Variants in SLC24A3 observed in about 807,000 individuals in gnomAD.
The protein encoded by SLC24A3 is sodium/potassium/calcium exchanger 3.
SLC24A3 carries 28 observed loss-of-function variants against 75.8 expected under a neutral mutation model. The ratio of observed to expected loss-of-function variants is 0.37; its 90% CI spans 0.27 to 0.51. The LOEUF is 0.51. Among genes scored for constraint, SLC24A3 ranks in the 20% least tolerant of loss-of-function variants. The pLI is 0.94. For synonymous variants in SLC24A3, 372 were observed against 334.1 expected, an observed-to-expected ratio of 1.11 and a Z score of -1.24; for missense variants, 663 against 847.8, an observed-to-expected ratio of 0.78 and a Z score of 2.71.
At chr20:19,376,071 A>G (rs1045407370) in intron 2 of SLC24A3, among the ~76,000 whole-genome samples, 1 of 152,166 alleles carries the variant, frequency 6.6e-6, no homozygotes, top group Non-Finnish European at 1.5e-5. Context: ...ACCCAATATG[A>G]GAAGTATATG....
At chr20:19,446,706 G>A (rs939444359) in intron 2 of SLC24A3, among the ~76,000 whole-genome samples, 6 of 152,350 alleles carry the variant, frequency 3.9e-5, no homozygotes, top group Admixed American at 2.6e-4. Context: ...CTAGCCAGCT[G>A]TGGGACTTTG....
chr20:19,314,750 C>T (rs1268261605), intron 2 of SLC24A3, among the ~76,000 whole-genome samples: 7 of 152,200 alleles, frequency 4.6e-5, no homozygotes, highest in Admixed American at 6.5e-5. Flanking sequence ...GCTTCCCATC[C>T]GTACTCACAG....
At chr20:19,291,566 T>C (rs6035275) in intron 2 of SLC24A3, among the ~76,000 whole-genome samples, 9,137 of 152,250 alleles carry the variant, frequency 0.06, 614 homozygotes, top group African/African-American at 0.17. Context: ...GCTTCTGAGG[T>C]TCCTGATAGA....
intron 7 of SLC24A3, among the ~76,000 whole-genome samples, chr20:19,656,136 C>T (rs987501205): frequency 6.6e-5 from 10 of 152,046 alleles, no homozygotes; most frequent in East Asian, 1.9e-4. Flanking sequence ...TGAGGGTTGA[C>T]GTGAGATTTT....
intron 2 of SLC24A3, among the ~76,000 whole-genome samples, chr20:19,319,983 C>T (rs1391462699): frequency 6.6e-6 from 1 of 152,192 alleles, no homozygotes; most frequent in Non-Finnish European, 1.5e-5. Context: ...CCTAGGGCAG[C>T]TCTTCTAGAC....
chr20:19,421,188 A>G (rs549325274), intron 2 of SLC24A3, among the ~76,000 whole-genome samples: 30 of 63,120 alleles, frequency 4.8e-4, no homozygotes, highest in African/African-American at 1.9e-3. Context: ...GCCAAAATTG[A>G]CAAATGGGAT....
chr20:19,555,235 C>T (rs1195711583), intron 3 of SLC24A3, among the ~76,000 whole-genome samples: 1 of 152,120 alleles, frequency 6.6e-6, no homozygotes, highest in Non-Finnish European at 1.5e-5. Context: ...AAATAAGCCA[C>T]CCACCAAGGG....
At chr20:19,426,659 A>G (rs1987011417) in intron 2 of SLC24A3, among the ~76,000 whole-genome samples, 2 of 152,222 alleles carry the variant, frequency 1.3e-5, no homozygotes, top group South Asian at 4.1e-4. Flanking sequence ...GCTGCATTGA[A>G]GGGCACATGT....
At chr20:19,429,449 G>C (rs56885142) in intron 2 of SLC24A3, among the ~76,000 whole-genome samples, 1 of 152,236 alleles carries the variant, frequency 6.6e-6, no homozygotes, top group Non-Finnish European at 1.5e-5. Context: ...TATGGAAAGC[G>C]TGTGAGTAAA....
intron 2 of SLC24A3, among the ~76,000 whole-genome samples, chr20:19,465,822 C>A (rs972937760): frequency 6.6e-6 from 1 of 152,224 alleles, no homozygotes; most frequent in Non-Finnish European, 1.5e-5. Flanking sequence ...ACTGGAAGCA[C>A]ATTAGAATCA....
chr20:19,293,560 G>A (rs1344676965), intron 2 of SLC24A3, among the ~76,000 whole-genome samples: 1 of 150,368 alleles, frequency 6.7e-6, no homozygotes, highest in Non-Finnish European at 1.5e-5. Context: ...GGAGGCTGAG[G>A]TATGAGAATC....
intron 2 of SLC24A3, among the ~76,000 whole-genome samples, chr20:19,332,652 G>A (rs1985027206): frequency 6.6e-6 from 1 of 152,144 alleles, no homozygotes; most frequent in African/African-American, 2.4e-5. Flanking sequence ...ATGGGACTGA[G>A]GAGACCCAGT....
chr20:19,654,223 G>A (rs531115421), intron 7 of SLC24A3, 87 bp downstream of exon 7: 14 of 1,238,566 alleles, frequency 1.1e-5, no homozygotes, highest in East Asian at 4.6e-5. Context: ...GAGTTCACTC[G>A]AGGTCACCGG....
In SLC24A3 at chr20:19,350,196, C is replaced by T. The variant is rs560740890; in HGVS notation, c.271+69109C>T. Among the ~76,000 whole-genome samples the T allele has an allele frequency of 2.0e-5, 3 of 152,230 alleles. No individual in the cohort carries two copies. In the South Asian group the frequency reaches 6.2e-4, roughly 32 times the overall value. ...TTTATATATGAATAATGGGAAATAA[C>T]TTTTTTATGTGATATTTCATTTTGT... On this transcript the variant is annotated intron_variant, in intron 2 of 16. Coordinates refer to ENST00000328041, the MANE Select transcript of SLC24A3 (RefSeq NM_020689.4).
At chr20:19,557,562 G>A (rs768550986) in intron 3 of SLC24A3, among the ~76,000 whole-genome samples, 3 of 152,148 alleles carry the variant, frequency 2.0e-5, no homozygotes, top group Non-Finnish European at 2.9e-5. Context: ...CCCATAAGCC[G>A]TCTGCAGACC....
At chr20:19,340,380 AC>A (rs1009063162) in intron 2 of SLC24A3, among the ~76,000 whole-genome samples, 3 of 152,180 alleles carry the variant, frequency 2.0e-5, no homozygotes, top group African/African-American at 4.8e-5. Flanking sequence ...ATTCTCCCTA[AC>A]AACCTCAGAA....
intron 11 of SLC24A3, 30 bp from the exon 12 acceptor site, chr20:19,685,070 C>G: frequency 1.9e-6 from 3 of 1,571,034 alleles, no homozygotes; most frequent in Non-Finnish European, 1.7e-6. Context: ...TCCCTCTGAC[C>G]GTGGTAAGAG....
In SLC24A3 at chr20:19,368,700, G is replaced by A. The variant is rs540214510; in HGVS notation, c.271+87613G>A. Among the ~76,000 whole-genome samples, 22 of 152,294 alleles carry A rather than the reference G, an allele frequency of 1.4e-4. No individual in the cohort carries two copies. In the South Asian group the frequency reaches 4.3e-3, roughly 30 times the overall value. ...TGACAACCATTGGCCCCAATACCCA[G>A]CAGTGTAGCCAAATGACGCATTATT... On this transcript the variant is annotated intron_variant, in intron 2 of 16. Transcript: ENST00000328041.
intron 2 of SLC24A3, among the ~76,000 whole-genome samples, chr20:19,423,830 T>C (rs1600475235): frequency 1.3e-5 from 2 of 152,280 alleles, no homozygotes; most frequent in Admixed American, 1.3e-4. Flanking sequence ...TAGTGCAGGA[T>C]GCCAGGTTTG....
Sources: allele counts gnomAD v4.1 joint callset (sites outside exome capture counted in the v4.1 genomes callset), GRCh38; gene constraint gnomAD v4.1.1; transcripts MANE v1.5; gene names NCBI Gene and HGNC (gene_info 2026-07-23, HGNC 2026-07-21).